Variants in TRHDE observed in about 807,000 individuals in gnomAD.
TRHDE encodes thyrotropin-releasing hormone-degrading ectoenzyme.
A neutral mutation model predicts 125.7 loss-of-function variants in TRHDE; 72 were observed. The ratio of observed to expected loss-of-function variants is 0.57; its 90% CI spans 0.47 to 0.70. The LOEUF (loss-of-function observed/expected upper bound fraction) is 0.70, where lower values mean the gene tolerates loss of function less well. TRHDE is among the 30% of genes least tolerant of loss of function. TRHDE has a pLI of 0.00. For synonymous variants in TRHDE, 509 were observed against 509.1 expected, an observed-to-expected ratio of 1.00 and a Z score of 0.00; for missense variants, 1,110 against 1,327.1, an observed-to-expected ratio of 0.84 and a Z score of 2.54.
At chr12:72,637,940 G>C (rs187311074) in intron 15 of TRHDE, among the ~76,000 whole-genome samples, 115 of 152,212 alleles carry the variant, frequency 7.6e-4, no homozygotes, top group African/African-American at 2.7e-3. Context: ...GGTCCGTTTT[G>C]GAATAGGTGT....
chr12:72,300,473 CAT>C (rs1880465112), intron 2 of TRHDE, among the ~76,000 whole-genome samples: 1 of 151,116 alleles, frequency 6.6e-6, no homozygotes, highest in African/African-American at 2.4e-5. Flanking sequence ...TTTATATACA[CAT>C]AGACATATAC....
At chr12:72,445,863 C>G (rs1182034583) in intron 3 of TRHDE, among the ~76,000 whole-genome samples, 1 of 151,820 alleles carries the variant, frequency 6.6e-6, no homozygotes, top group Non-Finnish European at 1.5e-5. Context: ...CTTTTTTCCC[C>G]CCGGCTTTCT....
chr12:72,356,149 C>T (rs925692811), intron 2 of TRHDE, among the ~76,000 whole-genome samples: 1 of 151,652 alleles, frequency 6.6e-6, no homozygotes, highest in African/African-American at 2.4e-5. Flanking sequence ...AAATGCCCAT[C>T]AATAGTATAC....
At chr12:72,580,677 G>A (rs1871183651) in intron 12 of TRHDE, among the ~76,000 whole-genome samples, 1 of 152,210 alleles carries the variant, frequency 6.6e-6, no homozygotes, top group Admixed American at 6.5e-5. Context: ...CTGACCTCAG[G>A]TGATCCACCC....
At chr12:72,192,060 C>A (rs781575352) in intron 2 of TRHDE, among the ~76,000 whole-genome samples, 2 of 152,122 alleles carry the variant, frequency 1.3e-5, no homozygotes, top group Non-Finnish European at 2.9e-5. Flanking sequence ...TGCTGACCTC[C>A]TTTCCTCATC....
intron 2 of TRHDE, among the ~76,000 whole-genome samples, chr12:72,194,440 T>G (rs370592161): frequency 9.2e-5 from 14 of 152,060 alleles, no homozygotes; most frequent in Non-Finnish European, 2.1e-4. Flanking sequence ...ACTTTTATTT[T>G]AGATTTGGGG....
At chr12:72,253,052 G>C (rs1767199166) in intron 2 of TRHDE, among the ~76,000 whole-genome samples, 1 of 152,034 alleles carries the variant, frequency 6.6e-6, no homozygotes, top group African/African-American at 2.4e-5. Flanking sequence ...AAATAATGTA[G>C]TTTTGTTCAA....
intron 15 of TRHDE, among the ~76,000 whole-genome samples, chr12:72,638,905 T>C (rs1873897570): frequency 6.6e-6 from 1 of 151,196 alleles, no homozygotes; most frequent in African/African-American, 2.4e-5. Context: ...CCTTTGAGGG[T>C]AACCCGACCT....
At chr12:72,480,542 A>G (rs1877120592) in intron 5 of TRHDE, among the ~76,000 whole-genome samples, 2 of 152,164 alleles carry the variant, frequency 1.3e-5, no homozygotes, top group South Asian at 4.1e-4. Flanking sequence ...GGAATAAAGT[A>G]TTTCTTCTGA....
chr12:72,655,826 T>C (rs1874688060), intron 17 of TRHDE, among the ~76,000 whole-genome samples: 1 of 152,204 alleles, frequency 6.6e-6, no homozygotes, highest in African/African-American at 2.4e-5. Context: ...CTTACATTAT[T>C]ATTGAATGCC....
chr12:72,593,580 T>C (rs1441016964), intron 12 of TRHDE, among the ~76,000 whole-genome samples: 1 of 152,168 alleles, frequency 6.6e-6, no homozygotes, highest in Non-Finnish European at 1.5e-5. Context: ...GTTTGTTACA[T>C]ATGTATACAT....
chr12:72,393,882 C>G (rs1872695355), intron 3 of TRHDE, among the ~76,000 whole-genome samples: 1 of 151,998 alleles, frequency 6.6e-6, no homozygotes, highest in Non-Finnish European at 1.5e-5. Flanking sequence ...TTATTTCTTT[C>G]AAAAATATAG....
intron 12 of TRHDE, among the ~76,000 whole-genome samples, chr12:72,616,380 A>T (rs1872811748): frequency 6.6e-6 from 1 of 152,098 alleles, no homozygotes; most frequent in Admixed American, 6.6e-5. Flanking sequence ...AATTGTAGAT[A>T]TATAGGTTAG....
At chr12:72,656,253 T>C (rs544086493) in intron 17 of TRHDE, among the ~76,000 whole-genome samples, 1 of 152,260 alleles carries the variant, frequency 6.6e-6, no homozygotes, top group African/African-American at 2.4e-5. Context: ...GCAATCCAAA[T>C]GAACAAGTAG....
chr12:72,575,516 G>C lies in TRHDE; in HGVS notation c.2295G>C (p.Leu765Phe). Reference protein sequence around the residue: ...EVLSVSNRAGLIDDAFSLARA... With the variant: ...EVLSVSNRAGFIDDAFSLARA... ...TTTCTGTCAGTAACCGAGCGGGCTT[G>C]ATCGATGATGCCTTCAGCCTAGCCA... The change falls in exon 12 of 19, where the codon TTG becomes TTC. Residue 765 changes from leucine to phenylalanine, a missense_variant. Leu to Phe is a conservative substitution (Grantham distance 22). Around this residue, in one of 5 missense-constraint regions of TRHDE, gnomAD observed 527 missense variants for 651.8 expected, o/e 0.81. Transcript: ENST00000261180. The C allele has an allele frequency of 6.2e-7, 1 of 1,613,674 alleles. No individual in the cohort carries two copies. Among genetic ancestry groups the C allele is most frequent in the Non-Finnish European group, 8.5e-7 (1 of 1,179,736 alleles).
intron 3 of TRHDE, among the ~76,000 whole-genome samples, chr12:72,468,203 G>C (rs571245904): frequency 6.6e-6 from 1 of 152,270 alleles, no homozygotes; most frequent in African/African-American, 2.4e-5. Flanking sequence ...ACAACACATG[G>C]TGTTATTCTA....
chr12:72,575,897 G>A (rs146044013), intron 12 of TRHDE, among the ~76,000 whole-genome samples: 69 of 152,156 alleles, frequency 4.5e-4, no homozygotes, highest in African/African-American at 1.6e-3. Context: ...TTTCCCTGAT[G>A]TATACTAGTA....
At chr12:72,094,658 G>A (rs1054330183) in intron 1 of TRHDE, among the ~76,000 whole-genome samples, 2 of 152,240 alleles carry the variant, frequency 1.3e-5, no homozygotes, top group African/African-American at 4.8e-5. Flanking sequence ...CGGCAGGTCT[G>A]TCATGCAAAA....
intron 3 of TRHDE, among the ~76,000 whole-genome samples, chr12:72,437,158 A>T (rs1874783748): frequency 6.6e-6 from 1 of 151,900 alleles, no homozygotes; most frequent in Non-Finnish European, 1.5e-5. Context: ...TATGTATAAA[A>T]TAGCAATGAT....
Sources: gnomAD v4.1 joint callset for allele counts (sites outside exome capture counted in the v4.1 genomes callset) on GRCh38, gnomAD v4.1.1 for gene constraint, gnomAD v4.1.1 regional missense constraint, MANE v1.5 for transcripts, NCBI Gene and HGNC (gene_info 2026-07-23, HGNC 2026-07-21) for gene names.